HPGDS: variants seen among roughly 807,000 people sequenced by gnomAD.
HPGDS encodes GST class-sigma.
In HPGDS, 26 loss-of-function variants were observed where a neutral mutation model predicts 23.1. The ratio of observed to expected loss-of-function variants is 1.13; its 90% CI spans 0.83 to 1.56. The LOEUF is 1.56. Ranked by LOEUF, HPGDS falls within the 40% of genes most tolerant of loss-of-function variation. The pLI is 0.00. For missense variants in HPGDS, 268 were observed against 236.4 expected (o/e 1.13, Z -0.88); for synonymous variants, 95 against 77.9 (o/e 1.22, Z -1.16).
intron 2 of HPGDS, among the ~76,000 whole-genome samples, chr4:94,322,563 G>C (rs887981947): frequency 3.3e-5 from 5 of 152,166 alleles, no homozygotes; most frequent in South Asian, 2.1e-4. Context: ...GGTGTTTATA[G>C]TATTCTCTGA....
intron 1 of HPGDS, among the ~76,000 whole-genome samples, chr4:94,336,394 A>G (rs1044077317): frequency 6.6e-6 from 1 of 152,172 alleles, no homozygotes; most frequent in East Asian, 1.9e-4. Context: ...CGGTGATGGT[A>G]ATTCCTAGCA....
intron 2 of HPGDS, among the ~76,000 whole-genome samples, chr4:94,323,685 A>G (rs1157692094): frequency 1.3e-5 from 2 of 152,100 alleles, no homozygotes; most frequent in Non-Finnish European, 2.9e-5. Context: ...TCTCCTGAAT[A>G]CAGCACACTG....
At chr4:94,304,377 A>C (rs751890190) in intron 4 of HPGDS, among the ~76,000 whole-genome samples, 1 of 152,156 alleles carries the variant, frequency 6.6e-6, no homozygotes, top group Non-Finnish European at 1.5e-5. Flanking sequence ...AAGGATTGTC[A>C]TGGTGACCAA....
intron 4 of HPGDS, among the ~76,000 whole-genome samples, chr4:94,306,844 G>T (rs572404972): frequency 2.0e-5 from 3 of 151,888 alleles, no homozygotes; most frequent in Non-Finnish European, 4.4e-5. Context: ...TACTATAATG[G>T]AACAAAGAAA....
At chr4:94,325,037 G>T (rs908746558) in intron 2 of HPGDS, among the ~76,000 whole-genome samples, 1 of 152,170 alleles carries the variant, frequency 6.6e-6, no homozygotes, top group African/African-American at 2.4e-5. Context: ...AGGTCTGCTG[G>T]AGTTTGCTGG....
chr4:94,315,157 G>A (rs896692515), intron 3 of HPGDS, among the ~76,000 whole-genome samples: 1 of 146,762 alleles, frequency 6.8e-6, no homozygotes, highest in Non-Finnish European at 1.5e-5. Flanking sequence ...TGCACCTACT[G>A]TCTGACAATC....
chr4:94,301,195 A>T (rs947892548), intron 5 of HPGDS, among the ~76,000 whole-genome samples: 4 of 152,166 alleles, frequency 2.6e-5, no homozygotes, highest in Admixed American at 2.6e-4. Context: ...GAGTGTCAGC[A>T]TGCTACAAAA....
In HPGDS at chr4:94,308,749, G is replaced by A. The variant is rs765922861; in HGVS notation, c.227-6C>T. The A allele has an allele frequency of 6.9e-7, 1 of 1,453,794 alleles. No individual in the cohort carries two copies. The highest frequency in any genetic ancestry group is 9.6e-7 in the Non-Finnish European group (1 of 1,038,542). The allele number at this position is 1,453,794 out of a possible 1,614,324, so 90.1% of individuals were successfully genotyped here. A position where few individuals can be genotyped will look rare whatever the true frequency, so the allele number is the denominator to read the frequency against. On this transcript the variant is annotated splice_polypyrimidine_tract_variant and splice_region_variant and intron_variant, in intron 3 of 5. Transcript: ENST00000295256. ...TTCTGTGTTTCCAGCCAAATCTGTG[G>A]AATAGAGAGAGGCCCATCAATATGT...
At chr4:94,331,507 G>A (rs1460840643) in intron 2 of HPGDS, among the ~76,000 whole-genome samples, 8 of 152,150 alleles carry the variant, frequency 5.3e-5, no homozygotes, top group Admixed American at 4.6e-4. Context: ...CAGTGTGCAT[G>A]GGAGGGGCTT....
At chr4:94,308,567 G>T in intron 4 of HPGDS, 67 bp downstream of exon 4, 1 of 735,832 alleles carries the variant, frequency 1.4e-6, no homozygotes, top group Non-Finnish European at 2.3e-6. Context: ...ACTTTCTAAG[G>T]CACCTAACAC....
intron 3 of HPGDS, 107 bp downstream of exon 3, chr4:94,317,766 C>T: frequency 1.6e-6 from 1 of 609,766 alleles, no homozygotes; most frequent in South Asian, 2.5e-5. Flanking sequence ...TAATTCCATT[C>T]TTATTTGTAC....
chr4:94,333,359 A>G (rs993969398), intron 2 of HPGDS, among the ~76,000 whole-genome samples: 1 of 152,218 alleles, frequency 6.6e-6, no homozygotes, highest in African/African-American at 2.4e-5. Flanking sequence ...GCAACTTTCT[A>G]GTAAAAGGAA....
chr4:94,303,579 A>G (rs1756086236), intron 4 of HPGDS, among the ~76,000 whole-genome samples: 1 of 152,142 alleles, frequency 6.6e-6, no homozygotes, highest in Admixed American at 6.6e-5. Flanking sequence ...CAGTATGTTC[A>G]TAGTTTTAAA....
intron 3 of HPGDS, among the ~76,000 whole-genome samples, chr4:94,309,315 C>T (rs966377984): frequency 6.8e-6 from 1 of 147,702 alleles, no homozygotes; most frequent in Non-Finnish European, 1.5e-5. Flanking sequence ...GTTCCCCTTC[C>T]TGTGTCCATG....
chr4:94,330,425 C>T (rs764189401), intron 2 of HPGDS, among the ~76,000 whole-genome samples: 4 of 152,142 alleles, frequency 2.6e-5, no homozygotes, highest in Non-Finnish European at 5.9e-5. Flanking sequence ...ACTAACCACT[C>T]AGAAATAGCT....
intron 2 of HPGDS, among the ~76,000 whole-genome samples, chr4:94,328,847 A>T (rs987378315): frequency 3.3e-5 from 5 of 152,202 alleles, no homozygotes; most frequent in African/African-American, 1.2e-4. Flanking sequence ...TGCCAGTCAC[A>T]CTCTGATGAC....
At chr4:94,309,427 G>A (rs533667279) in intron 3 of HPGDS, among the ~76,000 whole-genome samples, 119 of 152,086 alleles carry the variant, frequency 7.8e-4, no homozygotes, top group Middle Eastern at 6.8e-3. Context: ...ATGGTTTCCA[G>A]CTTCATCCAT....
intron 2 of HPGDS, among the ~76,000 whole-genome samples, chr4:94,325,364 T>A (rs1756609355): frequency 6.6e-6 from 1 of 152,200 alleles, no homozygotes; most frequent in African/African-American, 2.4e-5. Context: ...CTGCCTTTTG[T>A]TCAGCTATGC....
At chr4:94,305,507 G>C (rs947461535) in intron 4 of HPGDS, among the ~76,000 whole-genome samples, 7 of 152,136 alleles carry the variant, frequency 4.6e-5, no homozygotes, top group Non-Finnish European at 7.4e-5. Flanking sequence ...TAAGTAGATA[G>C]TATGTGCTTA....
Sources: gnomAD v4.1 joint callset for allele counts (sites outside exome capture counted in the v4.1 genomes callset) on GRCh38, gnomAD v4.1.1 for gene constraint, MANE v1.5 for transcripts, NCBI Gene and HGNC (gene_info 2026-07-23, HGNC 2026-07-21) for gene names.